The following MAP3K20 variants were observed in gnomAD, a reference collection of about 807,000 sequenced individuals.
The protein encoded by MAP3K20 is HCCS-4.
A neutral mutation model predicts 85.7 loss-of-function variants in MAP3K20; 40 were observed. That is an observed-to-expected ratio of 0.47 (90% CI 0.36 to 0.61). MAP3K20 has a LOEUF of 0.61. MAP3K20 is among the 20% of genes least tolerant of loss of function. The probability of loss-of-function intolerance (pLI) is 0.00; values close to 1 mark genes in which losing one functional copy is unlikely to be tolerated. For missense variants in MAP3K20, 817 were observed against 961.7 expected (o/e 0.85, Z 1.99); for synonymous variants, 325 against 327.7 (o/e 0.99, Z 0.09).
chr2:173,196,813 A>G (rs1690857980), intron 7 of MAP3K20, among the ~76,000 whole-genome samples: 1 of 152,194 alleles, frequency 6.6e-6, no homozygotes, highest in African/African-American at 2.4e-5. Flanking sequence ...CGCCATACCT[A>G]AGACAGGGCC....
chr2:173,238,465 T>C (rs761092655), intron 15 of MAP3K20, 30 bp downstream of exon 15: 2 of 1,585,160 alleles, frequency 1.3e-6, no homozygotes. Context: ...CCGACACTAA[T>C]GCTACCTTTA....
At chr2:173,128,853 T>G (rs1230812748) in intron 2 of MAP3K20, among the ~76,000 whole-genome samples, 1 of 152,044 alleles carries the variant, frequency 6.6e-6, no homozygotes, top group African/African-American at 2.4e-5. Context: ...AAATTTCAAC[T>G]ATTTTATATG....
At chr2:173,238,671 T>C (rs1427907017) in intron 15 of MAP3K20, among the ~76,000 whole-genome samples, 1 of 152,218 alleles carries the variant, frequency 6.6e-6, no homozygotes, top group Non-Finnish European at 1.5e-5. Flanking sequence ...CTTACTTTAG[T>C]GGCTAGGAGT....
At chr2:173,209,633 G>A (rs1031536578) in intron 9 of MAP3K20, 96 bp from the exon 10 acceptor site, 1 of 960,454 alleles carries the variant, frequency 1.0e-6, no homozygotes, top group Non-Finnish European at 1.5e-6. Flanking sequence ...GTTATGGTGG[G>A]TTGAGTTTAT....
intron 14 of MAP3K20, among the ~76,000 whole-genome samples, chr2:173,237,381 C>G (rs1684679268): frequency 6.6e-6 from 1 of 152,130 alleles, no homozygotes; most frequent in Admixed American, 6.5e-5. Flanking sequence ...GACCATGGCT[C>G]CCTTCTTCTC....
chr2:173,150,393 C>T (rs1461820395), intron 2 of MAP3K20, among the ~76,000 whole-genome samples: 2 of 152,160 alleles, frequency 1.3e-5, no homozygotes, highest in East Asian at 3.8e-4. Context: ...TTTTCCAACG[C>T]TCTATTCTCT....
At chr2:173,218,469 G>A (rs550884873) in intron 11 of MAP3K20, among the ~76,000 whole-genome samples, 1 of 152,314 alleles carries the variant, frequency 6.6e-6, no homozygotes, top group East Asian at 1.9e-4. Context: ...ATTTAACTTG[G>A]CTTGTGAGAA....
intron 3 of MAP3K20, among the ~76,000 whole-genome samples, chr2:173,171,125 A>T (rs944219009): frequency 8.5e-5 from 13 of 152,214 alleles, no homozygotes; most frequent in Non-Finnish European, 4.4e-5. Flanking sequence ...TATTTCTTAT[A>T]AATGTGAATA....
At chr2:173,144,746 C>T (rs890814974) in intron 2 of MAP3K20, among the ~76,000 whole-genome samples, 3 of 152,070 alleles carry the variant, frequency 2.0e-5, no homozygotes, top group East Asian at 1.9e-4. Flanking sequence ...TTCCATAAGT[C>T]CAGTTGTAAG....
At chr2:173,227,998 CA>C (rs1170509593) in intron 11 of MAP3K20, among the ~76,000 whole-genome samples, 1 of 152,202 alleles carries the variant, frequency 6.6e-6, no homozygotes, top group African/African-American at 2.4e-5. Flanking sequence ...TTCTGTTCCT[CA>C]AATCTTTCTC....
At chr2:173,083,825 T>C (rs1265031380) in intron 1 of MAP3K20, among the ~76,000 whole-genome samples, 3 of 152,212 alleles carry the variant, frequency 2.0e-5, no homozygotes, top group Non-Finnish European at 4.4e-5. Flanking sequence ...TTGCTGAATA[T>C]TGAAAGCTCT....
chr2:173,166,082 C>G (rs976748912), intron 2 of MAP3K20, among the ~76,000 whole-genome samples: 16 of 152,182 alleles, frequency 1.1e-4, no homozygotes, highest in Non-Finnish European at 1.0e-4. Flanking sequence ...GCAATAACTC[C>G]TCATTTTCTC....
At chr2:173,086,555 A>G (rs961213139) in intron 1 of MAP3K20, among the ~76,000 whole-genome samples, 22 of 152,350 alleles carry the variant, frequency 1.4e-4, no homozygotes, top group African/African-American at 4.8e-4. Context: ...ACATTCAAGT[A>G]ATTGGATAGT....
At chr2:173,240,725 T>C (rs1221038944) in intron 16 of MAP3K20, among the ~76,000 whole-genome samples, 1 of 152,148 alleles carries the variant, frequency 6.6e-6, no homozygotes, top group Non-Finnish European at 1.5e-5. Context: ...CTTCGTACAC[T>C]GTTGGTGGGA....
At chr2:173,126,025 T>A (rs1348782526) in intron 2 of MAP3K20, among the ~76,000 whole-genome samples, 1 of 152,160 alleles carries the variant, frequency 6.6e-6, no homozygotes, top group East Asian at 1.9e-4. Flanking sequence ...ATCTGTACAT[T>A]ATAAGTGAGC....
Position 173,229,631 on chromosome 2 carries a change from C to CA in MAP3K20, c.988-53dup, listed in dbSNP as rs1474720071. 9 of 1,605,578 alleles carry CA rather than the reference C, an allele frequency of 5.6e-6. No individual in the cohort carries two copies. The Admixed American group carries it at 1.3e-4, about 24-fold the overall frequency. ...GAAAGAGTGAGACAAGAGGATGAAC[C>CA]AAAAAGACAATGATAATATTACTTT... On this transcript the variant is annotated intron_variant, in intron 11 of 19. Transcript: ENST00000375213.
chr2:173,093,538 C>T (rs183743803), intron 2 of MAP3K20, among the ~76,000 whole-genome samples: 19 of 152,164 alleles, frequency 1.2e-4, no homozygotes, highest in South Asian at 2.1e-4. Flanking sequence ...CTACTTTTCT[C>T]TGTTTTAGTG....
intron 9 of MAP3K20, among the ~76,000 whole-genome samples, chr2:173,206,828 A>G (rs777742152): frequency 5.3e-5 from 8 of 152,144 alleles, no homozygotes; most frequent in African/African-American, 1.4e-4. Flanking sequence ...ACCACAGTAA[A>G]TTTCCTGAGT....
intron 2 of MAP3K20, among the ~76,000 whole-genome samples, chr2:173,149,937 T>C (rs148806644): frequency 3.3e-5 from 5 of 152,348 alleles, no homozygotes; most frequent in African/African-American, 1.2e-4. Context: ...GTCCAACTGT[T>C]GAAATCTCAT....
Sources: gnomAD v4.1 joint callset for allele counts (sites outside exome capture counted in the v4.1 genomes callset) on GRCh38, gnomAD v4.1.1 for gene constraint, MANE v1.5 for transcripts, NCBI Gene and HGNC (gene_info 2026-07-23, HGNC 2026-07-21) for gene names.